The following SIAH3 variants were observed in gnomAD, a reference collection of about 807,000 sequenced individuals.
The protein encoded by SIAH3 is siah E3 ubiquitin protein ligase family member 3.
In SIAH3, 9 loss-of-function variants were observed where a neutral mutation model predicts 12.6. The ratio of observed to expected loss-of-function variants is 0.72; its 90% confidence interval spans 0.43 to 1.25. The LOEUF (loss-of-function observed/expected upper bound fraction) is 1.25, where lower values mean the gene tolerates loss of function less well. Among genes scored for constraint, SIAH3 ranks in the 50% most tolerant of loss-of-function variants. The pLI is 0.00. For synonymous variants in SIAH3, 154 were observed against 151.1 expected (o/e 1.02, Z -0.14); for missense variants, 390 against 365.4 (o/e 1.07, Z -0.55).
chr13:45,783,961 G>C lies in SIAH3; in HGVS notation c.232C>G (p.His78Asp). 6.2e-7 allele frequency: 1 copy of C among 1,604,578 alleles called. No homozygotes were observed. Among genetic ancestry groups the C allele is most frequent in the African/African-American group, 1.3e-5 (1 of 74,968 alleles). Reference protein sequence around the residue: ...LSHHHCHHRHHHHLRHHAHPH... With the variant: ...LSHHHCHHRHDHHLRHHAHPH... ...TGGGCGTGGTGGCGGAGGTGGTGGT[G>C]GTGGCGGTGGTGGCAGTGGTGGTGG... The change falls in exon 2 of 2, where the codon CAC becomes GAC. Residue 78 changes from histidine (H) to aspartate (D), a missense_variant. By Grantham distance (81) the His-to-Asp change is moderately conservative. Transcript: ENST00000400405.
chr13:45,803,958 C>A (rs1593379167), intron 1 of SIAH3, among the ~76,000 whole-genome samples: 1 of 152,086 alleles, frequency 6.6e-6, no homozygotes, highest in African/African-American at 2.4e-5. Context: ...GTTACAAAAT[C>A]CATATTTTTA....
At chr13:45,789,661 C>T (rs923584890) in intron 1 of SIAH3, among the ~76,000 whole-genome samples, 1 of 152,190 alleles carries the variant, frequency 6.6e-6, no homozygotes, top group Non-Finnish European at 1.5e-5. Flanking sequence ...CCTGCCTCAA[C>T]TTCACAAAGT....
chr13:45,812,223 C>CTTTCCAGT (rs2137564759), intron 1 of SIAH3, among the ~76,000 whole-genome samples: 1 of 152,332 alleles, frequency 6.6e-6, no homozygotes, highest in East Asian at 1.9e-4. Flanking sequence ...ATGTCCCATG[C>CTTTCCAGT]TTTCCAGTTT....
rs371277631 is a variant in SIAH3, at chr13:45,851,553, C to T, written c.77G>A (p.Arg26Gln). The change falls in exon 1 of 2, where the codon CGG becomes CAG. Residue 26 changes from arginine to glutamine, a missense_variant. Transcript: ENST00000400405. Reference protein sequence around the residue: ...HLRFQHYKAKRVFSAAGQLVC... With the variant: ...HLRFQHYKAKQVFSAAGQLVC... ...AAGTTGCCCGGCAGCGGAGAAAACC[C>T]GTTTAGCCTTGTAGTGCTGAAACCG... 15 of 1,614,146 alleles carry T rather than the reference C, an allele frequency of 9.3e-6. No individual in the cohort carries two copies. The African/African-American group carries it at 1.2e-4, about 13-fold the overall frequency.
chr13:45,805,217 G>GA (rs1229637771), intron 1 of SIAH3, among the ~76,000 whole-genome samples: 1 of 151,854 alleles, frequency 6.6e-6, no homozygotes, highest in Admixed American at 6.6e-5. Flanking sequence ...CACAGAATTA[G>GA]AAAAAAACTA....
rs2070523904 is a variant in SIAH3, at chr13:45,839,625, G to A, written c.135+11870C>T. On this transcript the variant is annotated intron_variant, in intron 1 of 1. Transcript: ENST00000400405. ...AGGTGGGTGGATCACAAGGTCAGGA[G>A]ATCAAGACCATCCTGGCTAACACGG... Among the ~76,000 whole-genome samples, 3 of 152,248 alleles carry A rather than the reference G, an allele frequency of 2.0e-5. No individual in the cohort carries two copies. In the South Asian group the frequency reaches 6.2e-4, roughly 32 times the overall value.
intron 1 of SIAH3, among the ~76,000 whole-genome samples, chr13:45,815,440 T>A (rs964539896): frequency 6.6e-6 from 1 of 152,156 alleles, no homozygotes; most frequent in East Asian, 1.9e-4. Context: ...TCCCTGGGTC[T>A]CCAGTCTGCC....
chr13:45,790,427 C>T (rs1210834570), intron 1 of SIAH3, among the ~76,000 whole-genome samples: 1 of 152,056 alleles, frequency 6.6e-6, no homozygotes, highest in East Asian at 1.9e-4. Flanking sequence ...TTCTTATAAA[C>T]ATATTTGCCA....
chr13:45,839,116 G>A (rs1382627892), intron 1 of SIAH3, among the ~76,000 whole-genome samples: 3 of 152,082 alleles, frequency 2.0e-5, no homozygotes. Flanking sequence ...AATGAGAAAG[G>A]AAATTTCAAA....
intron 1 of SIAH3, among the ~76,000 whole-genome samples, chr13:45,838,154 G>A (rs1214459677): frequency 1.4e-5 from 2 of 145,872 alleles, no homozygotes; most frequent in Non-Finnish European, 3.0e-5. Context: ...TCATCTGACA[G>A]ATGAAGTAGC....
chr13:45,826,283 G>A (rs1278647856), intron 1 of SIAH3, among the ~76,000 whole-genome samples: 1 of 152,128 alleles, frequency 6.6e-6, no homozygotes, highest in African/African-American at 2.4e-5. Flanking sequence ...TCAAAGCTTA[G>A]GATGATGCTT....
intron 1 of SIAH3, among the ~76,000 whole-genome samples, chr13:45,802,261 G>A (rs997354481): frequency 6.6e-6 from 1 of 152,168 alleles, no homozygotes; most frequent in Non-Finnish European, 1.5e-5. Context: ...AGCCAAGATT[G>A]TGCCACTGCT....
At chr13:45,824,856 C>A (rs117278437) in intron 1 of SIAH3, among the ~76,000 whole-genome samples, 3 of 149,406 alleles carry the variant, frequency 2.0e-5, no homozygotes, top group African/African-American at 7.4e-5. Context: ...CCAGCCTGGG[C>A]GACAGAGCGA....
At chr13:45,826,460 A>AGTGGGTGT (rs1162256365) in intron 1 of SIAH3, among the ~76,000 whole-genome samples, 1 of 7,498 alleles carries the variant, frequency 1.3e-4, no homozygotes, top group Admixed American at 1.2e-3. Context: ...TGGATGGATG[A>AGTGGGTGT]ATGGATGGAT....
rs569610317 is a variant in SIAH3 at position 45,785,927 on chromosome 13, G to A, written c.136-1870C>T. On this transcript the variant is annotated intron_variant, in intron 1 of 1. Transcript: ENST00000400405. ...AGTCTGACTTATCCCTCAGTGTTAA[G>A]TATGGGGAAGGAAACTAACTAGTAT... Among the ~76,000 whole-genome samples the A allele has an allele frequency of 6.1e-4, 93 of 152,342 alleles. No individual in the cohort carries two copies. The Middle Eastern group carries it at 0.01, about 17-fold the overall frequency.
At chr13:45,837,649 A>G (rs1483662837) in intron 1 of SIAH3, among the ~76,000 whole-genome samples, 1 of 152,144 alleles carries the variant, frequency 6.6e-6, no homozygotes, top group African/African-American at 2.4e-5. Context: ...TGCAGGCCAA[A>G]AGAAATCAAT....
chr13:45,789,357 CATCTATCTATCTATCTATCTATCT>C (rs67992215), intron 1 of SIAH3, among the ~76,000 whole-genome samples: 72 of 107,204 alleles, frequency 6.7e-4, no homozygotes, highest in Admixed American at 2.2e-3. Flanking sequence ...GTGTATCTAT[CATCTATCTATCTATCTATCTATCT>C]ATCTATCTAT....
intron 1 of SIAH3, among the ~76,000 whole-genome samples, chr13:45,797,395 C>T (rs1284518884): frequency 1.3e-5 from 2 of 152,144 alleles, no homozygotes; most frequent in African/African-American, 4.8e-5. Flanking sequence ...GACTTTCTTC[C>T]TCTCTGTCTG....
intron 1 of SIAH3, among the ~76,000 whole-genome samples, chr13:45,829,286 C>G (rs189109537): frequency 6.6e-6 from 1 of 152,140 alleles, no homozygotes; most frequent in East Asian, 1.9e-4. Context: ...TACGCATGAC[C>G]CAGTAACCAC....
Sources: allele counts gnomAD v4.1 joint callset (sites outside exome capture counted in the v4.1 genomes callset), GRCh38; gene constraint gnomAD v4.1.1; transcripts MANE v1.5; gene names NCBI Gene and HGNC (gene_info 2026-07-23, HGNC 2026-07-21).